The following SNX9 variants were observed in gnomAD, a reference collection of about 807,000 sequenced individuals.
SNX9 encodes sorting nexin 9.
A neutral mutation model predicts 89.4 loss-of-function variants in SNX9; 44 were observed. The ratio of observed to expected loss-of-function variants is 0.49; its 90% CI spans 0.39 to 0.63. The LOEUF (loss-of-function observed/expected upper bound fraction) is 0.63, where lower values mean the gene tolerates loss of function less well. Among genes scored for constraint, SNX9 ranks in the 30% least tolerant of loss-of-function variants. The pLI, the probability that SNX9 is intolerant of heterozygous loss-of-function variation, is 0.00. For synonymous variants in SNX9, 236 were observed against 247.8 expected, an observed-to-expected ratio of 0.95 and a Z score of 0.45; for missense variants, 578 against 736.1, an observed-to-expected ratio of 0.79 and a Z score of 2.49.
chr6:157,856,124 T>C (rs1424015591), intron 1 of SNX9, among the ~76,000 whole-genome samples: 1 of 152,240 alleles, frequency 6.6e-6, no homozygotes, highest in East Asian at 1.9e-4. Context: ...GAGACATTTC[T>C]CCCATTCTCC....
rs1172699831 is a variant in SNX9 at position 157,915,623 on chromosome 6, T to TAAAAAAAAAAA, written c.949+5606_949+5616dup. On this transcript the variant is annotated intron_variant, in intron 9 of 17. Coordinates refer to ENST00000392185, the MANE Select transcript of SNX9 (RefSeq NM_016224.5). ...CAACATGGCAAAACCCCATCTCTAC[T>TAAAAAAAAAAA]AAAAAAAAAAAAAAAAAATATATAT... Among the ~76,000 whole-genome samples, 13 of 71,226 alleles carry TAAAAAAAAAAA rather than the reference T, an allele frequency of 1.8e-4. No individual in the cohort carries two copies. In the East Asian group the frequency reaches 2.0e-3, roughly 11 times the overall value. The allele number at this position is 71,226 out of a possible 152,430, so 46.7% of individuals were successfully genotyped here.
chr6:157,933,264 A>C (rs9365599), intron 13 of SNX9, among the ~76,000 whole-genome samples: 32,930 of 152,056 alleles, frequency 0.22, 3,636 homozygotes, highest in Non-Finnish European at 0.23. Context: ...ACTGCACTCC[A>C]ATATGGGCAA....
rs765887047 is a variant in SNX9 at position 157,921,650 on chromosome 6, C to T, written c.1069C>T (p.Arg357Ter). The change falls in exon 10 of 18, where the codon CGA (arginine) becomes TGA (stop). Residue 357 changes from arginine (R) to a stop codon, truncating the protein, a stop_gained. Transcript: ENST00000392185. LOFTEE classifies it high-confidence loss of function. The part of the protein sequence containing the change: ...SEVFQQFLNF[R>*]DEKEWKTGKR... ...AGTTTTCCAGCAGTTCCTAAATTTC[C>T]GAGATGAGAAGGTAGGACATTGTGT... is the stretch of plus-strand genomic sequence containing the variant. 3 of 1,612,956 alleles carry T rather than the reference C, an allele frequency of 1.9e-6. No individual in the cohort carries two copies. Among genetic ancestry groups the T allele is most frequent in the South Asian group, 1.1e-5 (1 of 90,982 alleles).
chr6:157,850,988 G>T (rs182207024), intron 1 of SNX9, among the ~76,000 whole-genome samples: 296 of 152,272 alleles, frequency 1.9e-3, no homozygotes, highest in Admixed American at 3.5e-3. Flanking sequence ...GGGCGTGGTG[G>T]CTCATGCCTG....
intron 13 of SNX9, among the ~76,000 whole-genome samples, chr6:157,933,323 G>T (rs1455029358): frequency 6.6e-6 from 1 of 152,154 alleles, no homozygotes; most frequent in Non-Finnish European, 1.5e-5. Flanking sequence ...GCATTTGTCA[G>T]CTAGGTGGCA....
intron 6 of SNX9, among the ~76,000 whole-genome samples, chr6:157,905,308 G>T (rs930495401): frequency 6.6e-6 from 1 of 152,210 alleles, no homozygotes; most frequent in African/African-American, 2.4e-5. Flanking sequence ...AATGCGACTG[G>T]AACTTCGTAG....
rs1029718121 is a variant in SNX9, at chr6:157,894,725, C to T, written c.301-2102C>T. Reference sequence around the variant, plus strand: ...TTCTATGTAAGACAAAACCCCTCAGCGTGACAGTTGTCAGAATGTGGGAAT... The same window carrying T: ...TTCTATGTAAGACAAAACCCCTCAGTGTGACAGTTGTCAGAATGTGGGAAT... On this transcript the variant is annotated intron_variant, in intron 4 of 17. Coordinates refer to ENST00000392185, the MANE Select transcript of SNX9 (RefSeq NM_016224.5). Among the ~76,000 whole-genome samples the T allele has an allele frequency of 3.9e-5, 6 of 152,138 alleles. No homozygotes were observed. In the South Asian group the frequency reaches 1.0e-3, roughly 26 times the overall value.
Position 157,840,077 on chromosome 6 carries a change from G to A in SNX9, c.12+16631G>A, listed in dbSNP as rs113975348. Among the ~76,000 whole-genome samples, 971 of 148,588 alleles carry A rather than the reference G, an allele frequency of 6.5e-3. 9 individuals carry two copies. Among genetic ancestry groups the A allele is most frequent in the African/African-American group, 0.023 (890 of 38,588 alleles). On this transcript the variant is annotated intron_variant, in intron 1 of 17. Coordinates refer to ENST00000392185, the MANE Select transcript of SNX9 (RefSeq NM_016224.5). ...GAAGGTGGGGGTGTCTTTGGATCTC[G>A]GGAAAGAGCAGACCCTCAGGCTGGT...
chr6:157,916,924 A>G (rs1345200237), intron 9 of SNX9, among the ~76,000 whole-genome samples: 1 of 152,188 alleles, frequency 6.6e-6, no homozygotes, highest in African/African-American at 2.4e-5. Flanking sequence ...GTCTCATAGG[A>G]TGAGTTTGGA....
At chr6:157,826,501 A>AG (rs1307029446) in intron 1 of SNX9, among the ~76,000 whole-genome samples, 3 of 145,418 alleles carry the variant, frequency 2.1e-5, no homozygotes, top group African/African-American at 8.1e-5. Context: ...CTCCATCTCA[A>AG]GAAAAAAAAA....
chr6:157,852,826 G>A (rs927585708), intron 1 of SNX9, among the ~76,000 whole-genome samples: 4 of 152,058 alleles, frequency 2.6e-5, no homozygotes, highest in African/African-American at 7.3e-5. Flanking sequence ...TGTCCACCTC[G>A]GCCTCCAAAA....
intron 9 of SNX9, 70 bp downstream of exon 9, chr6:157,910,095 T>G (rs1783307766): frequency 8.3e-7 from 1 of 1,209,720 alleles, no homozygotes; most frequent in East Asian, 2.3e-5. Context: ...TTCCTGTAAG[T>G]CAGTGATGGC....
intron 17 of SNX9, among the ~76,000 whole-genome samples, chr6:157,941,192 G>A (rs1241601670): frequency 1.3e-5 from 2 of 152,180 alleles, no homozygotes; most frequent in East Asian, 1.9e-4. Context: ...CTGAAGCAGG[G>A]GTCTTGGATG....
In SNX9 at chr6:157,914,469, C is replaced by CTTTTTTTTTTTTTT. The variant is rs34419515; in HGVS notation, c.949+4454_949+4467dup. 7.1e-4 allele frequency among the ~76,000 whole-genome samples: 53 copies of CTTTTTTTTTTTTTT among 75,106 alleles called. 1 individual carries two copies. The highest frequency in any genetic ancestry group is 1.7e-3 in the African/African-American group (30 of 17,716). The allele number at this position is 75,106 out of a possible 152,430, so 49.3% of individuals were successfully genotyped here. On this transcript the variant is annotated intron_variant, in intron 9 of 17. Transcript: ENST00000392185. Reference sequence around the variant, plus strand: ...TGGCTTGGCTTGTCATTTTCTTTTTCTTTTTTTTTTTTTTTTTTTTTTTGG... The same window carrying CTTTTTTTTTTTTTT: ...TGGCTTGGCTTGTCATTTTCTTTTTCTTTTTTTTTTTTTTTTTTTTTTTTTTTTTTTTTTTTTGG...
intron 2 of SNX9, 75 bp from the exon 3 acceptor site, chr6:157,873,027 C>G: frequency 8.3e-7 from 1 of 1,205,650 alleles, no homozygotes; most frequent in Non-Finnish European, 1.1e-6. Context: ...TATAACAATT[C>G]CTCCACACAA....
chr6:157,845,302 C>T (rs1781787048), intron 1 of SNX9, among the ~76,000 whole-genome samples: 2 of 151,748 alleles, frequency 1.3e-5, no homozygotes, highest in South Asian at 4.2e-4. Context: ...GTAGAGACGG[C>T]GTTTCACCAT....
In SNX9 at chr6:157,940,991, G is replaced by A. The variant is rs764374898; in HGVS notation, c.1740+17G>A. ...TACGAAACGGTGAGTGGGCGTCCAC[G>A]TGCCTTTCGCATGTGCTTGAGGAGA... On this transcript the variant is annotated intron_variant, in intron 17 of 17. Transcript: ENST00000392185. 22 of 1,610,182 alleles carry A rather than the reference G, an allele frequency of 1.4e-5. No individual in the cohort carries two copies. The highest frequency in any genetic ancestry group is 1.7e-4 in the Middle Eastern group (1 of 6,058).
chr6:157,884,450 A>G (rs1284700677), intron 4 of SNX9, among the ~76,000 whole-genome samples: 1 of 152,334 alleles, frequency 6.6e-6, no homozygotes, highest in Non-Finnish European at 1.5e-5. Flanking sequence ...AGAAACCCTC[A>G]CAAAGGTTCA....
intron 1 of SNX9, chr6:157,829,488 C>T (rs980140026): frequency 2.6e-5 from 4 of 152,160 alleles, no homozygotes; most frequent in African/African-American, 9.7e-5. Flanking sequence ...TGTGTCTATT[C>T]TGTATGCTCT....
Sources: gnomAD v4.1 joint callset for allele counts (sites outside exome capture counted in the v4.1 genomes callset) on GRCh38, gnomAD v4.1.1 for gene constraint, MANE v1.5 for transcripts, NCBI Gene and HGNC (gene_info 2026-07-23, HGNC 2026-07-21) for gene names.